The following PKN2 variants were observed in gnomAD, a reference collection of about 807,000 sequenced individuals.
The protein encoded by PKN2 is protein kinase N2.
Under a neutral mutation model 119.1 loss-of-function variants are expected in PKN2, and 38 were observed. That is an observed-to-expected ratio of 0.32 (90% CI 0.25 to 0.42). The LOEUF is 0.42. PKN2 is among the 10% of genes least tolerant of loss of function. The pLI, the probability that PKN2 is intolerant of heterozygous loss-of-function variation, is 1.00. For missense variants in PKN2, 850 were observed against 1,165.1 expected, an observed-to-expected ratio of 0.73 and a Z score of 3.94; for synonymous variants, 390 against 384.9, an observed-to-expected ratio of 1.01 and a Z score of -0.15.
chr1:88,780,067 A>G, intron 6 of PKN2, among the ~76,000 whole-genome samples: 1 of 149,754 alleles, frequency 6.7e-6, no homozygotes, highest in African/African-American at 2.4e-5. Context: ...GGTTTTCCTC[A>G]ATTGCTGTGA....
At chr1:88,753,012 G>A (rs1377431884) in intron 2 of PKN2, among the ~76,000 whole-genome samples, 1 of 151,816 alleles carries the variant, frequency 6.6e-6, no homozygotes, top group Non-Finnish European at 1.5e-5. Context: ...TTAAAAGTTC[G>A]ATTGTTTTGG....
At chr1:88,688,692 A>G (rs1468466690) in intron 1 of PKN2, among the ~76,000 whole-genome samples, 3 of 152,220 alleles carry the variant, frequency 2.0e-5, no homozygotes, top group East Asian at 3.8e-4. Flanking sequence ...AAGGTGTCAC[A>G]TGCTTGCCCA....
At chr1:88,748,377 G>T (rs1426672691) in intron 2 of PKN2, among the ~76,000 whole-genome samples, 1 of 151,972 alleles carries the variant, frequency 6.6e-6, no homozygotes, top group Non-Finnish European at 1.5e-5. Flanking sequence ...TTTTCCCTCC[G>T]CATATTGCCT....
intron 6 of PKN2, among the ~76,000 whole-genome samples, chr1:88,777,696 C>G (rs758174237): frequency 3.9e-5 from 6 of 152,202 alleles, no homozygotes; most frequent in Non-Finnish European, 7.3e-5. Context: ...ACCCCCTCCT[C>G]TCAGCCAATG....
intron 1 of PKN2, among the ~76,000 whole-genome samples, chr1:88,728,174 G>A (rs770822164): frequency 2.6e-5 from 4 of 152,080 alleles, no homozygotes; most frequent in Non-Finnish European, 4.4e-5. Context: ...CTTCTCTGCT[G>A]TATTAAGTCC....
intron 1 of PKN2, 140 bp from the exon 2 acceptor site, chr1:88,740,848 T>C (rs1668549232): frequency 3.9e-6 from 2 of 510,818 alleles, no homozygotes; most frequent in Non-Finnish European, 6.8e-6. Context: ...GTAGTTGGTC[T>C]ATTGCTTATT....
chr1:88,800,084 G>C (rs1388317007), intron 8 of PKN2, among the ~76,000 whole-genome samples: 4 of 152,028 alleles, frequency 2.6e-5, no homozygotes, highest in South Asian at 2.1e-4. Context: ...GTGGAGCCTG[G>C]TTCTCATTTT....
At chr1:88,793,410 A>G (rs1261140992) in intron 8 of PKN2, among the ~76,000 whole-genome samples, 1 of 152,156 alleles carries the variant, frequency 6.6e-6, no homozygotes, top group Non-Finnish European at 1.5e-5. Context: ...CAGTATATTT[A>G]TTGAAAAAAA....
chr1:88,747,170 G>A (rs1668803106), intron 2 of PKN2, among the ~76,000 whole-genome samples: 2 of 152,180 alleles, frequency 1.3e-5, no homozygotes, highest in East Asian at 1.9e-4. Context: ...AGTTAGACAG[G>A]AGGAATAAGT....
At chr1:88,810,981 T>C (rs1671761462) in intron 15 of PKN2, among the ~76,000 whole-genome samples, 1 of 152,244 alleles carries the variant, frequency 6.6e-6, no homozygotes, top group Admixed American at 6.5e-5. Flanking sequence ...TATTTTACTT[T>C]GAAATTACCT....
chr1:88,789,907 G>A (rs923123242), intron 8 of PKN2, among the ~76,000 whole-genome samples: 7 of 151,942 alleles, frequency 4.6e-5, no homozygotes, highest in African/African-American at 1.7e-4. Context: ...ACCAAGTTCT[G>A]TATGGTGATT....
intron 1 of PKN2, among the ~76,000 whole-genome samples, chr1:88,736,836 G>A (rs767758949): frequency 6.6e-6 from 1 of 152,172 alleles, no homozygotes; most frequent in East Asian, 1.9e-4. Context: ...AGATGGCACC[G>A]TAAGCCCAGG....
intron 1 of PKN2, among the ~76,000 whole-genome samples, chr1:88,727,741 T>C (rs925830127): frequency 2.0e-5 from 3 of 152,234 alleles, no homozygotes; most frequent in Non-Finnish European, 4.4e-5. Context: ...GTGTAATTTA[T>C]CAGATTATTA....
intron 6 of PKN2, among the ~76,000 whole-genome samples, chr1:88,775,966 G>T (rs1380362483): frequency 1.3e-5 from 2 of 151,936 alleles, no homozygotes; most frequent in Admixed American, 1.3e-4. Flanking sequence ...AAATTAGCCG[G>T]GCGTGGTGGC....
chr1:88,822,356 G>A (rs1169904204), intron 17 of PKN2, among the ~76,000 whole-genome samples: 3 of 152,148 alleles, frequency 2.0e-5, no homozygotes, highest in African/African-American at 7.2e-5. Context: ...GATGAGACAA[G>A]TAGCTTGTGT....
chr1:88,725,543 T>A (rs1667862656), intron 1 of PKN2, among the ~76,000 whole-genome samples: 1 of 152,226 alleles, frequency 6.6e-6, no homozygotes, highest in Admixed American at 6.5e-5. Flanking sequence ...TGCCGTTATA[T>A]ATCCTCTTTG....
At chr1:88,757,319 ATTAT>A (rs1291148295) in intron 2 of PKN2, among the ~76,000 whole-genome samples, 3 of 152,112 alleles carry the variant, frequency 2.0e-5, no homozygotes, top group Admixed American at 6.6e-5. Flanking sequence ...TAGTATCTCT[ATTAT>A]TTATTTATTT....
chr1:88,731,485 C>A (rs941118922), intron 1 of PKN2, among the ~76,000 whole-genome samples: 4 of 152,160 alleles, frequency 2.6e-5, no homozygotes, highest in Non-Finnish European at 5.9e-5. Context: ...TAAATAAAAA[C>A]GCAATTTACC....
At chr1:88,810,752 G>A (rs1282925179) in intron 15 of PKN2, among the ~76,000 whole-genome samples, 1 of 151,682 alleles carries the variant, frequency 6.6e-6, no homozygotes, top group African/African-American at 2.4e-5. Context: ...GATTACAGGT[G>A]TGCACCACCA....
Sources: gnomAD v4.1 joint callset for allele counts (sites outside exome capture counted in the v4.1 genomes callset) on GRCh38, gnomAD v4.1.1 for gene constraint, MANE v1.5 for transcripts, NCBI Gene and HGNC (gene_info 2026-07-23, HGNC 2026-07-21) for gene names.